Variants in MMAA observed in about 807,000 individuals in gnomAD.
The protein encoded by MMAA is methylmalonic aciduria type A protein, mitochondrial.
Under a neutral mutation model 45.0 loss-of-function variants are expected in MMAA, and 41 were observed. The ratio of observed to expected loss-of-function variants is 0.91; its 90% CI spans 0.71 to 1.18. The LOEUF (loss-of-function observed/expected upper bound fraction) is 1.18. Among genes scored for constraint, MMAA ranks in the 50% most tolerant of loss-of-function variants. The pLI, the probability that MMAA is intolerant of heterozygous loss-of-function variation, is 0.00. For synonymous variants in MMAA, 154 were observed against 178.2 expected (o/e 0.86, Z 1.08); for missense variants, 460 against 495.7 (o/e 0.93, Z 0.68).
chr4:145,623,550 C>T (rs1734131309), intron 1 of MMAA, among the ~76,000 whole-genome samples: 1 of 152,118 alleles, frequency 6.6e-6, no homozygotes, highest in Non-Finnish European at 1.5e-5. Flanking sequence ...TAATGTAGAA[C>T]ATGTAGTCTA....
intron 1 of MMAA, among the ~76,000 whole-genome samples, chr4:145,633,984 C>T (rs1727539816): frequency 6.6e-6 from 1 of 152,196 alleles, no homozygotes; most frequent in South Asian, 2.1e-4. Context: ...CTGTGGTCAC[C>T]ACCACTGTAA....
chr4:145,638,852 G>A (rs931947021), intron 1 of MMAA, among the ~76,000 whole-genome samples: 1 of 152,202 alleles, frequency 6.6e-6, no homozygotes, highest in Non-Finnish European at 1.5e-5. Flanking sequence ...TCGCAGTAGA[G>A]TAGTAGTTCC....
intron 1 of MMAA, among the ~76,000 whole-genome samples, chr4:145,634,984 C>T (rs2126614073): frequency 6.6e-6 from 1 of 151,988 alleles, no homozygotes; most frequent in African/African-American, 2.4e-5. Context: ...AAGAAGGTGT[C>T]TCTTTTGCAG....
Position 145,639,364 on chromosome 4 carries a change from A to C in MMAA, c.225A>C (p.Thr75=). ...LCVQTTLKDH[T]EGLSDKEQRF... Reference sequence around the variant, plus strand: ...TACAAACAACCTTAAAGGACCACACAGAAGGACTTTCTGATAAAGAGCAAA... The same window carrying C: ...TACAAACAACCTTAAAGGACCACACCGAAGGACTTTCTGATAAAGAGCAAA... The change falls in exon 2 of 7, where the codon ACA becomes ACC. Residue 75 remains threonine (T), a synonymous_variant. Coordinates refer to ENST00000649156, the MANE Select transcript of MMAA (RefSeq NM_172250.3). The C allele has an allele frequency of 6.2e-7, 1 of 1,614,236 alleles. No homozygotes were observed. Among genetic ancestry groups the C allele is most frequent in the Admixed American group, 1.7e-5 (1 of 60,026 alleles).
intron 3 of MMAA, among the ~76,000 whole-genome samples, chr4:145,643,045 A>T (rs182228997): frequency 3.3e-5 from 5 of 152,322 alleles, no homozygotes; most frequent in Admixed American, 1.3e-4. Context: ...ACAGAATGTT[A>T]AGCAGTTACT....
intron 1 of MMAA, among the ~76,000 whole-genome samples, chr4:145,631,436 T>C (rs977692552): frequency 6.6e-6 from 1 of 152,220 alleles, no homozygotes; most frequent in African/African-American, 2.4e-5. Context: ...TGTCTTGAAA[T>C]CTATTTGTCT....
At chr4:145,625,573 T>G in intron 1 of MMAA, 3 of 768,586 alleles carry the variant, frequency 3.9e-6, no homozygotes, top group Non-Finnish European at 7.2e-6. Flanking sequence ...TTGAGAGACC[T>G]AAATATGGTG....
At chr4:145,635,932 TAGAG>T (rs1346135595) in intron 1 of MMAA, among the ~76,000 whole-genome samples, 1 of 152,218 alleles carries the variant, frequency 6.6e-6, no homozygotes, top group Non-Finnish European at 1.5e-5. Context: ...ATGCCTGCCA[TAGAG>T]AGTCAAACAA....
intron 2 of MMAA, 98 bp downstream of exon 2, chr4:145,639,676 G>A (rs1056891678): frequency 5.6e-5 from 82 of 1,470,154 alleles, no homozygotes; most frequent in Middle Eastern, 2.5e-4. Context: ...ATCGAATGGC[G>A]ACTTTTTTCA....
chr4:145,633,449 C>T (rs1365221689), intron 1 of MMAA, among the ~76,000 whole-genome samples: 3 of 151,116 alleles, frequency 2.0e-5, no homozygotes, highest in Admixed American at 6.6e-5. Context: ...CTGCCCAGCT[C>T]GGCCTCCCAA....
At chr4:145,653,852 C>A in intron 5 of MMAA, 142 bp from the exon 6 acceptor site, 1 of 867,022 alleles carries the variant, frequency 1.2e-6, no homozygotes. Flanking sequence ...TAATTTCTGT[C>A]AAGTAATGGT....
chr4:145,645,640 G>A (rs1446461430), intron 3 of MMAA, among the ~76,000 whole-genome samples: 2 of 152,184 alleles, frequency 1.3e-5, no homozygotes, highest in African/African-American at 4.8e-5. Flanking sequence ...ATGGGACGAA[G>A]CAAACACAGT....
chr4:145,632,156 A>G (rs1271934285), intron 1 of MMAA, among the ~76,000 whole-genome samples: 2 of 152,198 alleles, frequency 1.3e-5, no homozygotes, highest in Non-Finnish European at 2.9e-5. Context: ...TTTCTTGCTG[A>G]AGTGTCCTCT....
chr4:145,624,333 T>A (rs371972565), intron 1 of MMAA: 308 of 789,012 alleles, frequency 3.9e-4, no homozygotes, highest in African/African-American at 3.3e-3. Context: ...CAGTCACTTG[T>A]CTTCTCCAGA....
chr4:145,645,364 T>A (rs1359634315), intron 3 of MMAA, among the ~76,000 whole-genome samples: 3 of 152,222 alleles, frequency 2.0e-5, no homozygotes, highest in Non-Finnish European at 2.9e-5. Context: ...CTTTTACTGA[T>A]CTTTATAAGG....
At chr4:145,644,907 T>C (rs1018532683) in intron 3 of MMAA, among the ~76,000 whole-genome samples, 4 of 152,212 alleles carry the variant, frequency 2.6e-5, no homozygotes, top group African/African-American at 9.6e-5. Flanking sequence ...TACCCCTCAC[T>C]TGTGACAAGT....
intron 4 of MMAA, among the ~76,000 whole-genome samples, chr4:145,648,243 G>A (rs146521047): frequency 0.012 from 1,872 of 151,508 alleles, 14 homozygotes; most frequent in Non-Finnish European, 0.018. Context: ...CGCCTCCTGG[G>A]TTCAAATGAT....
At position 145,653,934 on chromosome 4, in the gene MMAA, G is replaced by T; in HGVS notation, c.820-60G>T. 3.2e-6 allele frequency: 5 copies of T among 1,552,436 alleles called. No individual in the cohort carries two copies. In the South Asian group the frequency reaches 3.3e-5, roughly 10 times the overall value. The stretch of plus-strand genomic sequence containing the variant: ...GAAATGTATGACTTTCAAAATCTGA[G>T]CATTGACTAGTTTTCCCATTTTTAT... On this transcript the variant is annotated intron_variant, in intron 5 of 6. Transcript: ENST00000649156.
At chr4:145,633,344 C>T (rs969783435) in intron 1 of MMAA, among the ~76,000 whole-genome samples, 2 of 151,208 alleles carry the variant, frequency 1.3e-5, no homozygotes, top group Non-Finnish European at 2.9e-5. Context: ...GATTACAGTA[C>T]CCACCACCAC....
Sources: gnomAD v4.1 joint callset for allele counts (sites outside exome capture counted in the v4.1 genomes callset) on GRCh38, gnomAD v4.1.1 for gene constraint, MANE v1.5 for transcripts, NCBI Gene and HGNC (gene_info 2026-07-23, HGNC 2026-07-21) for gene names.